The following MGAT4C variants were observed in gnomAD, a reference collection of about 807,000 sequenced individuals.
MGAT4C encodes the protein MGAT4 family member C, also known as alpha-1,3-mannosyl-glycoprotein 4-beta-N-acetylglucosaminyltransferase C.
In MGAT4C, 19 loss-of-function variants were observed where a neutral mutation model predicts 40.1. The observed-to-expected ratio is 0.47, with a 90% CI of 0.33 to 0.70. The LOEUF (loss-of-function observed/expected upper bound fraction) is 0.70. Among genes scored for constraint, MGAT4C ranks in the 30% least tolerant of loss-of-function variants. The pLI is 0.02. For synonymous variants in MGAT4C, 181 were observed against 187.1 expected (o/e 0.97, Z 0.27); for missense variants, 491 against 563.2 (o/e 0.87, Z 1.30).
chr12:86,015,106 G>A (rs1456998624), intron 2 of MGAT4C, among the ~76,000 whole-genome samples: 1 of 151,392 alleles, frequency 6.6e-6, no homozygotes, highest in Non-Finnish European at 1.5e-5. Flanking sequence ...ACCACACCCG[G>A]CCTCTGTGTC....
At position 86,034,149 on chromosome 12, in the gene MGAT4C, T is replaced by A. The variant is rs972306303; in HGVS notation, c.-7+15525A>T. The stretch of plus-strand genomic sequence containing the variant: ...GCTTTAGACGTGCTGTTGGATTCAG[T>A]TTGCTAGTATTTTGATGTGGATTTT... On this transcript the variant is annotated intron_variant, in intron 2 of 4. Coordinates refer to ENST00000611864, the MANE Select transcript of MGAT4C (RefSeq NM_001351288.2). 2.7e-5 allele frequency among the ~76,000 whole-genome samples: 4 copies of A among 149,684 alleles called. 1 individual carries two copies.
At chr12:86,493,941 A>AT (rs1958186540) in intron 2 of MGAT4C, among the ~76,000 whole-genome samples, 1 of 152,068 alleles carries the variant, frequency 6.6e-6, no homozygotes, top group South Asian at 2.1e-4. Context: ...AAATGTTGCG[A>AT]TTTTTTTCTC....
At position 86,204,710 on chromosome 12, in the gene MGAT4C, C is replaced by G. The variant is rs958756381; in HGVS notation, c.-57+51529G>C. Reference sequence around the variant, plus strand: ...ATTTTATTTGTATAAACATTTAAGACCCAGGATGATGGTGGGTCCCTACAG... The same window carrying G: ...ATTTTATTTGTATAAACATTTAAGAGCCAGGATGATGGTGGGTCCCTACAG... On this transcript the variant is annotated intron_variant, in intron 1 of 4. Coordinates refer to ENST00000611864, the MANE Select transcript of MGAT4C (RefSeq NM_001351288.2). Among the ~76,000 whole-genome samples, 4 of 151,968 alleles carry G rather than the reference C, an allele frequency of 2.6e-5. No homozygotes were observed. The South Asian group carries it at 8.3e-4, about 31-fold the overall frequency.
intron 3 of MGAT4C, among the ~76,000 whole-genome samples, chr12:86,386,800 T>C (rs1288481631): frequency 1.3e-5 from 2 of 152,190 alleles, no homozygotes; most frequent in African/African-American, 4.8e-5. Flanking sequence ...TTGAATTTCA[T>C]TTTTATATAT....
chr12:86,653,380 C>T (rs1446283359), intron 2 of MGAT4C, among the ~76,000 whole-genome samples: 1 of 151,822 alleles, frequency 6.6e-6, no homozygotes, highest in Non-Finnish European at 1.5e-5. Context: ...GTCCATTCCA[C>T]AACCAGTAGA....
chr12:86,554,073 C>T (rs76505547), intron 2 of MGAT4C, among the ~76,000 whole-genome samples: 4,135 of 151,838 alleles, frequency 0.027, 153 homozygotes, highest in African/African-American at 0.086. Flanking sequence ...TCTTTACCTT[C>T]AATATGCCCA....
chr12:86,740,586 A>C lies in MGAT4C; in HGVS notation c.-261-13345T>G, dbSNP rs569106725. Among the ~76,000 whole-genome samples the C allele has an allele frequency of 5.9e-4, 89 of 151,384 alleles. 1 individual carries two copies. The highest frequency in any genetic ancestry group is 6.2e-4 in the Non-Finnish European group (42 of 67,432). On this transcript the variant is annotated intron_variant, in intron 1 of 7. Transcript: ENST00000548651. Reference sequence around the variant, plus strand: ...GCATAAAACCATTTCTGCACAGTACATCTTTTAGAGTTGTTTGTACAGTAG... The same window carrying C: ...GCATAAAACCATTTCTGCACAGTACCTCTTTTAGAGTTGTTTGTACAGTAG...
intron 3 of MGAT4C, among the ~76,000 whole-genome samples, chr12:86,428,148 C>T (rs1233432997): frequency 6.6e-6 from 1 of 152,136 alleles, no homozygotes; most frequent in Non-Finnish European, 1.5e-5. Flanking sequence ...ATGTTACATA[C>T]ATTTCAAGAT....
At chr12:86,709,190 T>C (rs745613901) in intron 2 of MGAT4C, among the ~76,000 whole-genome samples, 9 of 152,056 alleles carry the variant, frequency 5.9e-5, no homozygotes, top group Non-Finnish European at 1.0e-4. Context: ...GATCTGATGG[T>C]TTTATAAGGG....
intron 2 of MGAT4C, among the ~76,000 whole-genome samples, chr12:86,681,847 G>A (rs1189238383): frequency 1.3e-5 from 2 of 151,978 alleles, no homozygotes; most frequent in African/African-American, 4.8e-5. Flanking sequence ...TAATTTCTGA[G>A]CTTTCAGAGA....
At chr12:86,231,054 G>A (rs940450014) in intron 1 of MGAT4C, among the ~76,000 whole-genome samples, 1 of 152,048 alleles carries the variant, frequency 6.6e-6, no homozygotes, top group Non-Finnish European at 1.5e-5. Context: ...ATAAAACCCT[G>A]ACGAAAAATT....
At position 86,806,476 on chromosome 12, in the gene MGAT4C, G is replaced by A. The variant is rs995155942; in HGVS notation, c.-262+32190C>T. ...AGAGAGAGAGTATATGTGTGTTTAT[G>A]TAGTTCTATATAACTTTACCACGTG... On this transcript the variant is annotated intron_variant, in intron 1 of 7. Transcript: ENST00000548651. Among the ~76,000 whole-genome samples, 4 of 151,694 alleles carry A rather than the reference G, an allele frequency of 2.6e-5. No individual in the cohort carries two copies. The East Asian group carries it at 7.8e-4, about 29-fold the overall frequency.
intron 1 of MGAT4C, among the ~76,000 whole-genome samples, chr12:86,238,098 T>A (rs1951630005): frequency 6.6e-6 from 1 of 151,902 alleles, no homozygotes; most frequent in Non-Finnish European, 1.5e-5. Flanking sequence ...ATAACCTGTG[T>A]GAACCTAAAA....
chr12:86,663,230 C>T (rs1214583161), intron 2 of MGAT4C, among the ~76,000 whole-genome samples: 1 of 151,248 alleles, frequency 6.6e-6, no homozygotes, highest in Non-Finnish European at 1.5e-5. Flanking sequence ...CACAGTAGTG[C>T]ATGTCTGTAG....
chr12:86,481,215 TA>T (rs1305380006), intron 2 of MGAT4C, among the ~76,000 whole-genome samples: 2 of 152,066 alleles, frequency 1.3e-5, no homozygotes, highest in Non-Finnish European at 2.9e-5. Flanking sequence ...ATTTTCTTGG[TA>T]AAAAATGTAC....
intron 1 of MGAT4C, among the ~76,000 whole-genome samples, chr12:86,176,110 T>A (rs1480712844): frequency 6.6e-6 from 1 of 152,222 alleles, no homozygotes; most frequent in Non-Finnish European, 1.5e-5. Flanking sequence ...GGAACCAAAC[T>A]TTGAGAATCA....
intron 3 of MGAT4C, among the ~76,000 whole-genome samples, chr12:86,339,888 T>G (rs926288282): frequency 1.3e-5 from 2 of 152,206 alleles, no homozygotes; most frequent in African/African-American, 4.8e-5. Flanking sequence ...TAGCTCTTTC[T>G]TATGTTTCTT....
intron 3 of MGAT4C, among the ~76,000 whole-genome samples, chr12:86,338,319 C>A (rs1051224954): frequency 6.6e-6 from 1 of 152,076 alleles, no homozygotes; most frequent in Non-Finnish European, 1.5e-5. Context: ...GTTTATCAAT[C>A]TGGGTGGTTC....
intron 2 of MGAT4C, among the ~76,000 whole-genome samples, chr12:86,721,433 A>G (rs1950734286): frequency 1.3e-5 from 2 of 151,970 alleles, no homozygotes. Flanking sequence ...TAAGAAAAAA[A>G]AAAGTAGACT....
Sources: gnomAD v4.1 joint callset for allele counts (sites outside exome capture counted in the v4.1 genomes callset) on GRCh38, gnomAD v4.1.1 for gene constraint, MANE v1.5 for transcripts, NCBI Gene and HGNC (gene_info 2026-07-23, HGNC 2026-07-21) for gene names.